EYS: variants seen among roughly 807,000 people sequenced by gnomAD.
EYS encodes the protein EGF-like photoreceptor maintenance factor.
A neutral mutation model predicts 282.1 loss-of-function variants in EYS; 250 were observed. The observed-to-expected ratio is 0.89, with a 90% CI of 0.80 to 0.98. The LOEUF is 0.98. Ranked by LOEUF, EYS falls within the 50% of genes least tolerant of loss-of-function variation. The probability of loss-of-function intolerance (pLI) is 0.00; values close to 1 mark genes in which losing one functional copy is unlikely to be tolerated. For synonymous variants in EYS, 1,355 were observed against 1,282.9 expected (o/e 1.06, Z -1.20); for missense variants, 4,016 against 3,709.0 (o/e 1.08, Z -2.15).
At chr6:64,659,756 C>T (rs1004435582) in intron 22 of EYS, among the ~76,000 whole-genome samples, 1 of 152,030 alleles carries the variant, frequency 6.6e-6, no homozygotes, top group Non-Finnish European at 1.5e-5. Flanking sequence ...AGCTTACCAA[C>T]CAAAAAAAGT....
intron 18 of EYS, among the ~76,000 whole-genome samples, chr6:64,890,121 G>T (rs563838211): frequency 6.7e-6 from 1 of 150,190 alleles, no homozygotes; most frequent in Non-Finnish European, 1.5e-5. Flanking sequence ...CTCCCATAGC[G>T]CTCCCAGGCT....
intron 19 of EYS, among the ~76,000 whole-genome samples, chr6:64,870,545 AC>A (rs1255953414): frequency 1.3e-5 from 2 of 151,736 alleles, no homozygotes; most frequent in African/African-American, 4.8e-5. Context: ...AAAGAAGGAA[AC>A]AGGAAAAGAT....
rs1378161143 is a variant in EYS, at chr6:64,695,715, G to T, written c.3444-69470C>A. Among the ~76,000 whole-genome samples the T allele has an allele frequency of 3.3e-5, 5 of 151,608 alleles. No individual in the cohort carries two copies. In the South Asian group the frequency reaches 1.0e-3, roughly 32 times the overall value. ...TTCTCCTGCATCAGCCTCACAAGTA[G>T]CTGGGTTTACAGGCATGCACCACCA... On this transcript the variant is annotated intron_variant, in intron 22 of 42. Transcript: ENST00000503581.
chr6:65,429,126 G>A (rs1474254079), intron 5 of EYS, among the ~76,000 whole-genome samples: 1 of 151,832 alleles, frequency 6.6e-6, no homozygotes, highest in African/African-American at 2.4e-5. Context: ...GTTGTAGTGA[G>A]TGGAGATGCA....
chr6:65,226,498 T>C (rs1388076564), intron 12 of EYS, among the ~76,000 whole-genome samples: 1 of 151,704 alleles, frequency 6.6e-6, no homozygotes, highest in Non-Finnish European at 1.5e-5. Context: ...CTAAAGAAAA[T>C]AGTAAACAAA....
At chr6:63,925,566 C>A in intron 35 of EYS, among the ~76,000 whole-genome samples, 1 of 152,182 alleles carries the variant, frequency 6.6e-6, no homozygotes, top group East Asian at 1.9e-4. Flanking sequence ...GATACATGTG[C>A]AGAACATGTA....
At chr6:63,961,789 G>A (rs1173877941) in intron 35 of EYS, among the ~76,000 whole-genome samples, 1 of 151,896 alleles carries the variant, frequency 6.6e-6, no homozygotes, top group African/African-American at 2.4e-5. Flanking sequence ...TTATCACATT[G>A]GGTATACATT....
At chr6:64,556,422 G>T (rs1180952247) in intron 26 of EYS, among the ~76,000 whole-genome samples, 1 of 151,902 alleles carries the variant, frequency 6.6e-6, no homozygotes, top group African/African-American at 2.4e-5. Flanking sequence ...TATTTGAGGA[G>T]AGAAAAGCCT....
chr6:63,772,011 G>A (rs1196556660), intron 40 of EYS, among the ~76,000 whole-genome samples: 1 of 152,154 alleles, frequency 6.6e-6, no homozygotes, highest in African/African-American at 2.4e-5. Context: ...TCCTAGAGCT[G>A]AGTGTACAAT....
At chr6:64,729,320 C>T (rs1441069865) in intron 22 of EYS, among the ~76,000 whole-genome samples, 1 of 152,152 alleles carries the variant, frequency 6.6e-6, no homozygotes, top group Non-Finnish European at 1.5e-5. Context: ...TATTCACTTT[C>T]TATCCCCTTC....
chr6:64,463,517 T>A (rs559940688), intron 26 of EYS, among the ~76,000 whole-genome samples: 7 of 152,324 alleles, frequency 4.6e-5, no homozygotes, highest in Admixed American at 3.3e-4. Context: ...TTTCAGTACC[T>A]TATAGAATAT....
At chr6:65,137,277 A>G (rs776599791) in intron 12 of EYS, among the ~76,000 whole-genome samples, 4 of 152,232 alleles carry the variant, frequency 2.6e-5, no homozygotes, top group Admixed American at 6.5e-5. Context: ...CAGCATTATA[A>G]AGCAATTAGC....
rs114789664 is a variant in EYS at position 64,497,541 on chromosome 6, T to C, written c.5645-58189A>G. Among the ~76,000 whole-genome samples, 367 of 152,080 alleles carry C rather than the reference T, an allele frequency of 2.4e-3. 1 individual carries two copies. Among genetic ancestry groups the C allele is most frequent in the African/African-American group, 8.5e-3 (351 of 41,514 alleles). Reference sequence around the variant, plus strand: ...ATTAGCAAAAGGGCAGGGGACATAATTGATAAAATAGAAGAAAAGTATAGG... The same window carrying C: ...ATTAGCAAAAGGGCAGGGGACATAACTGATAAAATAGAAGAAAAGTATAGG... On this transcript the variant is annotated intron_variant, in intron 26 of 42. Coordinates refer to ENST00000503581, the MANE Select transcript of EYS (RefSeq NM_001142800.2).
At chr6:65,281,691 A>G (rs1455578455) in intron 12 of EYS, among the ~76,000 whole-genome samples, 1 of 152,106 alleles carries the variant, frequency 6.6e-6, no homozygotes, top group Non-Finnish European at 1.5e-5. Flanking sequence ...GAAAAACCAT[A>G]TATTTCTACT....
At chr6:65,280,521 T>G (rs189961958) in intron 12 of EYS, among the ~76,000 whole-genome samples, 2 of 152,256 alleles carry the variant, frequency 1.3e-5, no homozygotes, top group Admixed American at 6.5e-5. Context: ...ACTAAGAAAT[T>G]AATGCTGTAT....
At chr6:63,840,051 T>TC (rs1236122319) in intron 36 of EYS, among the ~76,000 whole-genome samples, 8 of 148,330 alleles carry the variant, frequency 5.4e-5, no homozygotes, top group Non-Finnish European at 1.2e-4. Flanking sequence ...CCCATTTCTT[T>TC]TTTTTTTTTT....
rs138826785 is a variant in EYS, at chr6:65,255,980, C to T, written c.2023+39883G>A. Among the ~76,000 whole-genome samples, 242 of 152,120 alleles carry T rather than the reference C, an allele frequency of 1.6e-3. 2 individuals are homozygous for T. The highest frequency in any genetic ancestry group is 5.3e-3 in the African/African-American group (222 of 41,534). ...GTAAAAATAAATCTACCATATGATC[C>T]AGCAATCCTGTGCTGGATAAATATT... is the stretch of plus-strand genomic sequence containing the variant. On this transcript the variant is annotated intron_variant, in intron 12 of 42. Transcript: ENST00000503581.
At chr6:63,895,718 A>G (rs2149727826) in intron 35 of EYS, among the ~76,000 whole-genome samples, 2 of 152,240 alleles carry the variant, frequency 1.3e-5, no homozygotes, top group South Asian at 4.1e-4. Flanking sequence ...AACCTCATGT[A>G]TTGCTACCTG....
At chr6:64,008,653 A>T (rs1768463221) in intron 33 of EYS, among the ~76,000 whole-genome samples, 1 of 152,120 alleles carries the variant, frequency 6.6e-6, no homozygotes, top group Non-Finnish European at 1.5e-5. Context: ...CTTGCAATGC[A>T]TGTCTGGTGG....
Sources: allele counts gnomAD v4.1 joint callset (sites outside exome capture counted in the v4.1 genomes callset), GRCh38; gene constraint gnomAD v4.1.1; transcripts MANE v1.5; gene names NCBI Gene and HGNC (gene_info 2026-07-23, HGNC 2026-07-21).